Variants in SMIM14 observed in about 807,000 individuals in gnomAD.
The protein encoded by SMIM14 is chromosome 4 open reading frame 34.
In SMIM14, 5 loss-of-function variants were observed where a neutral mutation model predicts 12.6. The observed-to-expected ratio is 0.40, with a 90% CI of 0.21 to 0.83. SMIM14 has a LOEUF of 0.83. Ranked by LOEUF, SMIM14 falls within the 40% of genes least tolerant of loss-of-function variation. The pLI is 0.37. For missense variants in SMIM14, 86 were observed against 119.1 expected, an observed-to-expected ratio of 0.72 and a Z score of 1.29; for synonymous variants, 30 against 40.1, an observed-to-expected ratio of 0.75 and a Z score of 0.95.
At chr4:39,562,862 C>A (rs1300491947) in intron 3 of SMIM14, among the ~76,000 whole-genome samples, 1 of 150,584 alleles carries the variant, frequency 6.6e-6, no homozygotes, top group Non-Finnish European at 1.5e-5. Context: ...AAGGCTTGTC[C>A]CTAACTCCTG....
At chr4:39,604,633 CAG>C (rs1714737144) in intron 2 of SMIM14, among the ~76,000 whole-genome samples, 1 of 150,482 alleles carries the variant, frequency 6.6e-6, no homozygotes, top group African/African-American at 2.4e-5. Flanking sequence ...TTTTTTGAGA[CAG>C]AGTCTTGTTC....
intron 2 of SMIM14, chr4:39,594,178 C>G (rs1714249874): frequency 6.6e-6 from 1 of 152,208 alleles, no homozygotes; most frequent in South Asian, 2.1e-4. Flanking sequence ...GTAACCAAGA[C>G]AGTATGGTAC....
chr4:39,635,234 T>C (rs1716047087), intron 1 of SMIM14, among the ~76,000 whole-genome samples: 1 of 152,138 alleles, frequency 6.6e-6, no homozygotes, highest in Non-Finnish European at 1.5e-5. Context: ...CAAGTGGGAT[T>C]AGAATACAGG....
chr4:39,562,792 C>T lies in SMIM14; in HGVS notation c.125-6222G>A, dbSNP rs542001435. Among the ~76,000 whole-genome samples, 20 of 133,168 alleles carry T rather than the reference C, an allele frequency of 1.5e-4. No individual in the cohort carries two copies. In the South Asian group the frequency reaches 1.9e-3, roughly 13 times the overall value. 87.4% of individuals were successfully genotyped at this position (133,168 alleles called of 152,430 possible). On this transcript the variant is annotated intron_variant, in intron 3 of 4. Transcript: ENST00000295958. ...AAAGTTCTGGAATTACAGGCATGAG[C>T]GACCCCACCTGACCCTAATTTTTGT...
At chr4:39,637,268 CA>C (rs1017565298) in intron 1 of SMIM14, among the ~76,000 whole-genome samples, 1 of 151,636 alleles carries the variant, frequency 6.6e-6, no homozygotes, top group African/African-American at 2.4e-5. Context: ...TTCGTATAAC[CA>C]AAAATATTAG....
rs1747387697 is a variant in SMIM14, at chr4:39,547,527, T to C, written c.*4599A>G. On this transcript the variant is annotated 3_prime_UTR_variant, in exon 5 of 5. Transcript: ENST00000295958. ...ACATGGTAACAAATACCTATGATTT[T>C]TCATTTAGAAATATTATAAGAAGAC... 6.6e-6 allele frequency: 1 copy of C among 152,218 alleles called. No homozygotes were observed. The highest frequency in any genetic ancestry group is 6.5e-5 in the Admixed American group (1 of 15,288). The allele number at this position is 152,218 out of a possible 1,614,324, so 9.4% of individuals were successfully genotyped here.
At chr4:39,600,125 G>A (rs1714543011) in intron 2 of SMIM14, among the ~76,000 whole-genome samples, 2 of 152,100 alleles carry the variant, frequency 1.3e-5, no homozygotes, top group Admixed American at 1.3e-4. Context: ...CCAGAAGCAT[G>A]AGCATCTTAG....
intron 1 of SMIM14, among the ~76,000 whole-genome samples, chr4:39,637,510 G>C (rs1195755689): frequency 1.3e-5 from 2 of 150,494 alleles, no homozygotes; most frequent in Admixed American, 6.7e-5. Flanking sequence ...TAACTATCAC[G>C]TACTGTTGTT....
chr4:39,599,512 G>GCAAGAGATGATGGTAGATTA (rs1714514555), intron 2 of SMIM14, among the ~76,000 whole-genome samples: 2 of 152,158 alleles, frequency 1.3e-5, no homozygotes, highest in Admixed American at 1.3e-4. Flanking sequence ...AGCAATCCAG[G>GCAAGAGATGATGGTAGATTA]CAAGAGATGA....
In SMIM14 at chr4:39,551,108, A is replaced by C. The variant is rs1204392861; in HGVS notation, c.*1018T>G. 6.6e-6 allele frequency: 1 copy of C among 152,006 alleles called. No individual in the cohort carries two copies. The highest frequency in any genetic ancestry group is 1.5e-5 in the Non-Finnish European group (1 of 68,020). 9.4% of individuals were successfully genotyped at this position (152,006 alleles called of 1,614,324 possible). A position where few individuals can be genotyped will look rare whatever the true frequency, so the allele number is the denominator to read the frequency against. ...GTATTTTTAGTAGAGACAGGGTTTC[A>C]CCATGTTGGCCAGGCTGGTCTCGAA... On this transcript the variant is annotated 3_prime_UTR_variant, in exon 5 of 5. Coordinates refer to ENST00000295958, the MANE Select transcript of SMIM14 (RefSeq NM_174921.3).
chr4:39,553,836 C>T (rs1297775059), intron 4 of SMIM14, among the ~76,000 whole-genome samples: 1 of 151,994 alleles, frequency 6.6e-6, no homozygotes, highest in African/African-American at 2.4e-5. Flanking sequence ...TCAGGTGATC[C>T]GCCCGCCTCA....
At chr4:39,591,413 C>T (rs1207299773) in intron 2 of SMIM14, among the ~76,000 whole-genome samples, 1 of 152,004 alleles carries the variant, frequency 6.6e-6, no homozygotes, top group Non-Finnish European at 1.5e-5. Context: ...AATAGTCTAA[C>T]ACTCGCTGTA....
At chr4:39,577,023 T>C (rs17510755) in intron 2 of SMIM14, among the ~76,000 whole-genome samples, 244 of 152,028 alleles carry the variant, frequency 1.6e-3, no homozygotes, top group Admixed American at 3.0e-3. Flanking sequence ...AATACCTATA[T>C]ATTTTTAACA....
intron 2 of SMIM14, among the ~76,000 whole-genome samples, chr4:39,602,068 G>A (rs1404846875): frequency 3.3e-5 from 5 of 151,468 alleles, no homozygotes; most frequent in Non-Finnish European, 7.4e-5. Flanking sequence ...GGGCAACATG[G>A]TAGAACCCCA....
rs558464376 is a variant in SMIM14 at position 39,574,474 on chromosome 4, C to T, written c.76-2011G>A. ...CCCAGGCTGGTCTCAAACTCCTGAG[C>T]TCAGGCAATCTGCCCACCTCAGCCT... On this transcript the variant is annotated intron_variant, in intron 2 of 4. Coordinates refer to ENST00000295958, the MANE Select transcript of SMIM14 (RefSeq NM_174921.3). Among the ~76,000 whole-genome samples, 8 of 152,212 alleles carry T rather than the reference C, an allele frequency of 5.3e-5. No individual in the cohort carries two copies. The East Asian group carries it at 1.5e-3, about 29-fold the overall frequency.
intron 2 of SMIM14, among the ~76,000 whole-genome samples, chr4:39,598,640 G>A (rs73240616): frequency 0.046 from 6,938 of 152,188 alleles, 216 homozygotes; most frequent in Middle Eastern, 0.088. Flanking sequence ...TCACAGTTGA[G>A]CCACACAGTA....
chr4:39,634,009 A>T (rs570008584), intron 1 of SMIM14, among the ~76,000 whole-genome samples: 1 of 152,206 alleles, frequency 6.6e-6, no homozygotes, highest in Admixed American at 6.5e-5. Context: ...GCTCACTGCA[A>T]CCTCCACCTT....
chr4:39,622,774 C>T (rs957018958), intron 1 of SMIM14, among the ~76,000 whole-genome samples: 2 of 152,194 alleles, frequency 1.3e-5, no homozygotes, highest in Non-Finnish European at 2.9e-5. Context: ...AAAACTTTAA[C>T]ATCTGTTATC....
rs1712016993 is a variant in SMIM14, at chr4:39,556,432, T to C, written c.263A>G (p.His88Arg). The C allele has an allele frequency of 2.5e-6, 4 of 1,610,776 alleles. No homozygotes were observed. The highest frequency in any genetic ancestry group is 3.4e-5 in the Admixed American group (2 of 58,928). The stretch of plus-strand genomic sequence containing the variant: ...TTTAAAATCTGCAACACTTACATTA[T>C]GAGGACTGGTTGGCTTTCCAGGTAG... Reference protein sequence around the residue: ...SSLPGKPTSPHNGQDPPAPPV... With the variant: ...SSLPGKPTSPRNGQDPPAPPV... Residue 88 changes from histidine to arginine, a missense_variant, in exon 4 of 5, where the codon CAT becomes CGT. His to Arg is a conservative substitution (Grantham distance 29, BLOSUM62 0). Coordinates refer to ENST00000295958, the MANE Select transcript of SMIM14 (RefSeq NM_174921.3).
Sources: allele counts gnomAD v4.1 joint callset (sites outside exome capture counted in the v4.1 genomes callset), GRCh38; gene constraint gnomAD v4.1.1; transcripts MANE v1.5; gene names NCBI Gene and HGNC (gene_info 2026-07-23, HGNC 2026-07-21).